The following ANO3 variants were observed in gnomAD, a reference collection of about 807,000 sequenced individuals.
ANO3 encodes anoctamin 3.
Under a neutral mutation model 144.8 loss-of-function variants are expected in ANO3, and 99 were observed. That is an observed-to-expected ratio of 0.68 (90% CI 0.58 to 0.81). The LOEUF is 0.81. ANO3 is among the 30% of genes least tolerant of loss of function. The pLI is 0.00. For missense variants in ANO3, 905 were observed against 1,202.2 expected, an observed-to-expected ratio of 0.75 and a Z score of 3.66; for synonymous variants, 414 against 392.6, an observed-to-expected ratio of 1.05 and a Z score of -0.64.
intron 14 of ANO3, among the ~76,000 whole-genome samples, chr11:26,583,690 T>C (rs995723741): frequency 6.6e-6 from 1 of 152,222 alleles, no homozygotes; most frequent in African/African-American, 2.4e-5. Context: ...AGAACCTGTT[T>C]AGCAAGGTTT....
chr11:26,523,130 T>A (rs2134163413), intron 6 of ANO3, among the ~76,000 whole-genome samples: 1 of 152,222 alleles, frequency 6.6e-6, no homozygotes, highest in East Asian at 1.9e-4. Flanking sequence ...AGAAGGAACT[T>A]CCAAACACTT....
chr11:26,580,383 T>C (rs1851098208), intron 14 of ANO3, among the ~76,000 whole-genome samples: 1 of 152,236 alleles, frequency 6.6e-6, no homozygotes, highest in African/African-American at 2.4e-5. Flanking sequence ...CAGTATTACG[T>C]ACATTTTTAA....
At chr11:26,484,235 T>C (rs1032521387) in intron 4 of ANO3, among the ~76,000 whole-genome samples, 2 of 152,254 alleles carry the variant, frequency 1.3e-5, no homozygotes, top group South Asian at 2.1e-4. Flanking sequence ...ACTGATTTTC[T>C]TGGGGGGAGT....
chr11:26,220,254 T>G (rs1157630313), intron 1 of ANO3, among the ~76,000 whole-genome samples: 5 of 152,200 alleles, frequency 3.3e-5, no homozygotes, highest in African/African-American at 2.4e-5. Context: ...TGCAACACCC[T>G]TAAGTCATGG....
In ANO3 at chr11:26,363,497, C is replaced by A. The variant is rs538960536; in HGVS notation, c.46+31176C>A. Among the ~76,000 whole-genome samples, 10 of 152,142 alleles carry A rather than the reference C, an allele frequency of 6.6e-5. No individual in the cohort carries two copies. In the East Asian group the frequency reaches 1.9e-3, roughly 29 times the overall value. ...GTCCTTTTCCTCTGTGTATGCACAT[C>A]CCTTGGTGTCTGTTCCTCTTATCAG... is the stretch of plus-strand genomic sequence containing the variant. On this transcript the variant is annotated intron_variant, in intron 1 of 26. Transcript: ENST00000256737.
intron 1 of ANO3, among the ~76,000 whole-genome samples, chr11:26,381,049 A>C (rs770019966): frequency 1.2e-4 from 19 of 152,166 alleles, no homozygotes; most frequent in Non-Finnish European, 2.4e-4. Flanking sequence ...TGTTCCTCCT[A>C]GTTCAGACTG....
chr11:26,514,928 G>T (rs904104133), intron 5 of ANO3, among the ~76,000 whole-genome samples: 3 of 151,840 alleles, frequency 2.0e-5, no homozygotes, highest in South Asian at 4.2e-4. Context: ...AAAAAGTCAC[G>T]GTCTTCTCTT....
At chr11:26,514,623 G>A (rs1861793043) in intron 5 of ANO3, among the ~76,000 whole-genome samples, 1 of 152,084 alleles carries the variant, frequency 6.6e-6, no homozygotes, top group African/African-American at 2.4e-5. Context: ...AGGCAGTAAA[G>A]ATTGAGGAAA....
rs552296557 is a variant in ANO3, at chr11:26,555,693, G to A, written c.1386+2348G>A. ...TTTGTTCCTCTGACTAAGATAAAAT[G>A]TAGCTACTTGTTTTATACTTTAAAA... On this transcript the variant is annotated intron_variant, in intron 13 of 26. Transcript: ENST00000256737. 9.9e-5 allele frequency among the ~76,000 whole-genome samples: 15 copies of A among 152,260 alleles called. No individual in the cohort carries two copies. In the South Asian group the frequency reaches 3.1e-3, roughly 32 times the overall value.
At chr11:26,359,728 T>C (rs1297042505) in intron 1 of ANO3, among the ~76,000 whole-genome samples, 1 of 152,138 alleles carries the variant, frequency 6.6e-6, no homozygotes, top group Non-Finnish European at 1.5e-5. Context: ...GACAGAATCA[T>C]AGGGATGGCC....
intron 1 of ANO3, among the ~76,000 whole-genome samples, chr11:26,295,029 A>C (rs546086901): frequency 6.6e-6 from 1 of 151,942 alleles, no homozygotes; most frequent in African/African-American, 2.4e-5. Context: ...CTCCTGAGTA[A>C]CTGGGACTAT....
chr11:26,380,311 T>A (rs1453479936), intron 1 of ANO3, among the ~76,000 whole-genome samples: 1 of 152,244 alleles, frequency 6.6e-6, no homozygotes, highest in African/African-American at 2.4e-5. Context: ...TTCCCTACTG[T>A]CATTTCTTTG....
In ANO3 at chr11:26,660,477, T is replaced by A. The variant is rs1449217794; in HGVS notation, c.*33T>A. On this transcript the variant is annotated 3_prime_UTR_variant, in exon 27 of 27. Transcript: ENST00000256737. ...CTGTTACCCATTAGGGGTGATAACA[T>A]TAATGGGAAGAAATGATGGCAACTT... is the stretch of plus-strand genomic sequence containing the variant. 1 of 1,547,630 alleles carries A rather than the reference T, an allele frequency of 6.5e-7. No homozygotes were observed. Among genetic ancestry groups the A allele is most frequent in the East Asian group, 2.3e-5 (1 of 43,374 alleles).
chr11:26,469,511 C>T (rs989660114), intron 4 of ANO3, among the ~76,000 whole-genome samples: 1 of 151,760 alleles, frequency 6.6e-6, no homozygotes, highest in African/African-American at 2.4e-5. Context: ...TACTGAAGAG[C>T]TAAAGAGGTA....
chr11:26,482,844 A>C (rs1860278087), intron 4 of ANO3, among the ~76,000 whole-genome samples: 1 of 151,946 alleles, frequency 6.6e-6, no homozygotes, highest in African/African-American at 2.4e-5. Context: ...TGAACAGGAG[A>C]TATTTGATTT....
At chr11:26,247,602 A>G (rs1852825538) in intron 1 of ANO3, among the ~76,000 whole-genome samples, 1 of 151,966 alleles carries the variant, frequency 6.6e-6, no homozygotes, top group Admixed American at 6.6e-5. Flanking sequence ...TTTTAACTCA[A>G]TTTAATTACT....
rs1564923403 is a variant in ANO3, at chr11:26,223,615, A to AAAT, written c.154+34287_154+34288insTAA. Among the ~76,000 whole-genome samples, 65 of 151,780 alleles carry AAAT rather than the reference A, an allele frequency of 4.3e-4. No individual in the cohort carries two copies. In the East Asian group the frequency reaches 0.012, roughly 29 times the overall value. On this transcript the variant is annotated intron_variant, in intron 1 of 27. Coordinates refer to the ANO3 transcript ENST00000672621. ...CTAGCTTTTTAATAAAAAAAAAAAA[A>AAAT]AAAAAAACCCTGAGATTGGGTAATT... is the stretch of plus-strand genomic sequence containing the variant.
chr11:26,236,686 C>CGG (rs1852533567), intron 1 of ANO3, among the ~76,000 whole-genome samples: 2 of 151,712 alleles, frequency 1.3e-5, no homozygotes, highest in South Asian at 2.1e-4. Flanking sequence ...GGCATGGTGG[C>CGG]GGGCGCCTGT....
At chr11:26,229,626 A>G (rs1349042127) in intron 1 of ANO3, among the ~76,000 whole-genome samples, 1 of 152,168 alleles carries the variant, frequency 6.6e-6, no homozygotes, top group African/African-American at 2.4e-5. Context: ...TTATATGCTA[A>G]TCAACTCTTG....
Sources: gnomAD v4.1 joint callset for allele counts (sites outside exome capture counted in the v4.1 genomes callset) on GRCh38, gnomAD v4.1.1 for gene constraint, MANE v1.5 for transcripts, NCBI Gene and HGNC (gene_info 2026-07-23, HGNC 2026-07-21) for gene names.